Variants in SHISA9 observed in about 807,000 individuals in gnomAD.
SHISA9 encodes the protein shisa family member 9, also known as protein shisa-9.
In SHISA9, 13 loss-of-function variants were observed where a neutral mutation model predicts 38.0. That is an observed-to-expected ratio of 0.34 (90% CI 0.22 to 0.54). The LOEUF is 0.54. Among genes scored for constraint, SHISA9 ranks in the 20% least tolerant of loss-of-function variants. SHISA9 has a pLI of 0.91. For synonymous variants in SHISA9, 275 were observed against 242.0 expected (o/e 1.14, Z -1.27); for missense variants, 538 against 575.8 (o/e 0.93, Z 0.67).
the SHISA9 span, among the ~76,000 whole-genome samples, chr16:13,305,572 G>A: frequency 6.6e-6 from 1 of 152,194 alleles, no homozygotes; most frequent in Admixed American, 6.5e-5. Flanking sequence ...TAAGCTGCCT[G>A]GTGGGGAAGT....
the SHISA9 span, among the ~76,000 whole-genome samples, chr16:13,450,248 G>C: frequency 6.6e-6 from 1 of 152,176 alleles, no homozygotes; most frequent in Non-Finnish European, 1.5e-5. Context: ...TGAGGGTAGG[G>C]TTAAGAACAC....
At chr16:13,502,999 A>G in the SHISA9 span, among the ~76,000 whole-genome samples, 2 of 152,264 alleles carry the variant, frequency 1.3e-5, no homozygotes, top group Non-Finnish European at 2.9e-5. Context: ...ATCAGAATAT[A>G]GTGATAAATT....
chr16:13,088,957 T>C (rs2073743673), intron 2 of SHISA9, among the ~76,000 whole-genome samples: 1 of 152,212 alleles, frequency 6.6e-6, no homozygotes, highest in Non-Finnish European at 1.5e-5. Flanking sequence ...TTGTCTTAAA[T>C]AGCTCTTATT....
chr16:13,022,624 G>A (rs928678899), intron 2 of SHISA9, among the ~76,000 whole-genome samples: 9 of 152,058 alleles, frequency 5.9e-5, no homozygotes, highest in South Asian at 2.1e-4. Flanking sequence ...AAGCCACCGC[G>A]CCCAGCCTTA....
chr16:13,291,328 C>G, the SHISA9 span, among the ~76,000 whole-genome samples: 1 of 152,132 alleles, frequency 6.6e-6, no homozygotes, highest in African/African-American at 2.4e-5. Context: ...AACCCAAGCT[C>G]TTGATAAGAC....
At chr16:13,184,149 G>A (rs1039236923) in intron 2 of SHISA9, among the ~76,000 whole-genome samples, 3 of 152,236 alleles carry the variant, frequency 2.0e-5, no homozygotes, top group East Asian at 3.9e-4. Context: ...ACTAAATTGA[G>A]AAGCCAGATG....
chr16:13,285,842 G>C, the SHISA9 span, among the ~76,000 whole-genome samples: 14 of 152,052 alleles, frequency 9.2e-5, 1 homozygote, highest in African/African-American at 3.4e-4. Context: ...TTCCATCAGA[G>C]GATACTGGTG....
the SHISA9 span, among the ~76,000 whole-genome samples, chr16:13,328,569 C>G: frequency 9.3e-5 from 14 of 150,712 alleles, no homozygotes; most frequent in African/African-American, 3.2e-4. Context: ...CCCACCACCA[C>G]GCCTGGCTAA....
chr16:13,080,864 C>T lies in SHISA9; in HGVS notation c.692-122530C>T, dbSNP rs567990425. Among the ~76,000 whole-genome samples the T allele has an allele frequency of 3.3e-5, 5 of 152,230 alleles. No individual in the cohort carries two copies. The South Asian group carries it at 1.0e-3, about 32-fold the overall frequency. The stretch of plus-strand genomic sequence containing the variant: ...CTCTGGAGACTGGGAAGTCGAAGGA[C>T]GAAGTGCCTGCAGATATGGTATCTG... On this transcript the variant is annotated intron_variant, in intron 2 of 4. Transcript: ENST00000558583.
chr16:13,068,790 T>C (rs994383268), intron 2 of SHISA9, among the ~76,000 whole-genome samples: 6 of 152,206 alleles, frequency 3.9e-5, no homozygotes, highest in African/African-American at 1.2e-4. Context: ...GCAATATGTG[T>C]ATGCATATAT....
chr16:13,070,027 T>G (rs2073492791), intron 2 of SHISA9, among the ~76,000 whole-genome samples: 1 of 152,080 alleles, frequency 6.6e-6, no homozygotes. Flanking sequence ...TCACGTGGAC[T>G]AAGAGAAAGG....
chr16:12,961,402 T>C (rs1456787807), intron 2 of SHISA9, among the ~76,000 whole-genome samples: 1 of 152,160 alleles, frequency 6.6e-6, no homozygotes, highest in Non-Finnish European at 1.5e-5. Context: ...AGCCAGAGAA[T>C]AACACAGTCA....
chr16:12,925,825 G>C (rs897278815), intron 2 of SHISA9, among the ~76,000 whole-genome samples: 2 of 152,162 alleles, frequency 1.3e-5, no homozygotes, highest in African/African-American at 4.8e-5. Flanking sequence ...GGATTGAAAG[G>C]AGTAATAAAT....
chr16:13,001,454 C>G (rs1269710646), intron 2 of SHISA9, among the ~76,000 whole-genome samples: 1 of 152,120 alleles, frequency 6.6e-6, no homozygotes, highest in Non-Finnish European at 1.5e-5. Flanking sequence ...TTACCTAGAC[C>G]TTTGGTTCTG....
At chr16:13,389,843 A>G in the SHISA9 span, among the ~76,000 whole-genome samples, 1 of 152,210 alleles carries the variant, frequency 6.6e-6, no homozygotes, top group Non-Finnish European at 1.5e-5. Context: ...CACTGGCTAT[A>G]ATCACTGAGG....
chr16:12,927,179 C>G (rs1029469490), intron 2 of SHISA9, among the ~76,000 whole-genome samples: 4 of 151,990 alleles, frequency 2.6e-5, no homozygotes, highest in Non-Finnish European at 4.4e-5. Flanking sequence ...TTTTAGGAAA[C>G]TGCCAAAAAG....
At chr16:13,460,186 C>T in the SHISA9 span, among the ~76,000 whole-genome samples, 1 of 152,134 alleles carries the variant, frequency 6.6e-6, no homozygotes, top group Non-Finnish European at 1.5e-5. Flanking sequence ...ACCAGAAGAA[C>T]AAATATCATC....
At chr16:12,986,457 A>G (rs114816120) in intron 2 of SHISA9, among the ~76,000 whole-genome samples, 2,253 of 152,308 alleles carry the variant, frequency 0.015, 59 homozygotes, top group African/African-American at 0.052. Context: ...TGGAGCGGTA[A>G]TTAAAATAAT....
At chr16:13,160,919 A>C (rs542205482) in intron 2 of SHISA9, among the ~76,000 whole-genome samples, 1 of 152,218 alleles carries the variant, frequency 6.6e-6, no homozygotes, top group Non-Finnish European at 1.5e-5. Context: ...TCAAGGAAAC[A>C]AGTAAATTCT....
Sources: allele counts gnomAD v4.1 joint callset (sites outside exome capture counted in the v4.1 genomes callset), GRCh38; gene constraint gnomAD v4.1.1; transcripts MANE v1.5; gene names NCBI Gene and HGNC (gene_info 2026-07-23, HGNC 2026-07-21).